Variants in TMPO observed in about 807,000 individuals in gnomAD.
TMPO encodes the protein LEM domain containing 4.
Under a neutral mutation model 45.4 loss-of-function variants are expected in TMPO, and 22 were observed. The ratio of observed to expected loss-of-function variants is 0.48; its 90% CI spans 0.35 to 0.69. The LOEUF (loss-of-function observed/expected upper bound fraction) is 0.69. Ranked by LOEUF, TMPO falls within the 30% of genes least tolerant of loss-of-function variation. The probability of loss-of-function intolerance (pLI) is 0.01; values close to 1 mark genes in which losing one functional copy is unlikely to be tolerated. For missense variants in TMPO, 512 were observed against 548.8 expected (o/e 0.93, Z 0.67); for synonymous variants, 241 against 204.1 (o/e 1.18, Z -1.54).
In TMPO at chr12:98,522,128, G is replaced by T. The variant is rs190804309; in HGVS notation, c.280-5758G>T. ...AGCTCACTGCAGCCTCAAACTCCTG[G>T]GCTCAAGCCTCTGGAATAGCTGGGA... is the stretch of plus-strand genomic sequence containing the variant. On this transcript the variant is annotated intron_variant, in intron 1 of 8. Transcript: ENST00000556029. Among the ~76,000 whole-genome samples the T allele has an allele frequency of 5.4e-3, 827 of 151,980 alleles. 2 individuals are homozygous for T. Among genetic ancestry groups the T allele is most frequent in the Non-Finnish European group, 8.1e-3 (553 of 67,988 alleles).
chr12:98,515,810 C>T lies in TMPO; in HGVS notation c.-58C>T, dbSNP rs865996291. The T allele has an allele frequency of 1.4e-4, 218 of 1,568,936 alleles. 1 individual carries two copies. Among genetic ancestry groups the T allele is most frequent in the South Asian group, 1.1e-3 (95 of 86,268 alleles). On this transcript the variant is annotated 5_prime_UTR_variant, in exon 1 of 9. Coordinates refer to ENST00000556029, the MANE Select transcript of TMPO (RefSeq NM_001032283.3). ...CGCGGTCCCCGGCCAGGAGCAAGCG[C>T]GCCGGCGTGAGCGGCGGCGGCAAAG...
intron 3 of TMPO, among the ~76,000 whole-genome samples, chr12:98,536,194 C>G (rs895174471): frequency 6.6e-6 from 1 of 152,134 alleles, no homozygotes; most frequent in Non-Finnish European, 1.5e-5. Flanking sequence ...GATGTCTTGA[C>G]CACTTTTTCA....
chr12:98,543,820 A>G (rs557993982), intron 4 of TMPO, among the ~76,000 whole-genome samples: 5 of 152,304 alleles, frequency 3.3e-5, no homozygotes, highest in East Asian at 1.9e-4. Flanking sequence ...AAAAGTTTGT[A>G]TTTTTGTTTT....
At chr12:98,525,829 C>A (rs1448151952) in intron 1 of TMPO, among the ~76,000 whole-genome samples, 1 of 151,808 alleles carries the variant, frequency 6.6e-6, no homozygotes, top group Non-Finnish European at 1.5e-5. Flanking sequence ...AGTACATAGT[C>A]AAATCATGAC....
intron 4 of TMPO, 25 bp downstream of exon 4, chr12:98,537,597 T>C (rs1460829469): frequency 6.4e-7 from 1 of 1,551,738 alleles, no homozygotes; most frequent in African/African-American, 1.4e-5. Context: ...ATTACCACCG[T>C]GTACAGGTAT....
chr12:98,523,528 T>G (rs917090775), intron 1 of TMPO, among the ~76,000 whole-genome samples: 2 of 151,356 alleles, frequency 1.3e-5, no homozygotes, highest in African/African-American at 2.4e-5. Context: ...GGCAACAGAG[T>G]GAGACTCCAT....
At position 98,515,684 on chromosome 12, in the gene TMPO, G is replaced by T; in HGVS notation, c.-184G>T. 1 of 1,307,822 alleles carries T rather than the reference G, an allele frequency of 7.6e-7. No individual in the cohort carries two copies. Among genetic ancestry groups the T allele is most frequent in the Non-Finnish European group, 1.0e-6 (1 of 962,468 alleles). 81.0% of individuals were successfully genotyped at this position (1,307,822 alleles called of 1,614,324 possible). ...AGTTGGTTCGTAGTTCGGCTCTGGG[G>T]TCTTTTGTGTCCGGGTCTGGCTTGG... On this transcript the variant is annotated 5_prime_UTR_variant, in exon 1 of 9. Transcript: ENST00000556029.
intron 1 of TMPO, among the ~76,000 whole-genome samples, chr12:98,517,901 G>A (rs1014880821): frequency 6.6e-6 from 1 of 152,224 alleles, no homozygotes; most frequent in Admixed American, 6.5e-5. Context: ...GGTGGCTCAC[G>A]CCTGTAAGCC....
intron 1 of TMPO, among the ~76,000 whole-genome samples, chr12:98,526,008 C>T (rs1474684033): frequency 1.3e-5 from 2 of 152,084 alleles, no homozygotes; most frequent in African/African-American, 4.8e-5. Context: ...AGGCTGTTTG[C>T]CACAGCCTTA....
intron 3 of TMPO, chr12:98,535,172 T>A (rs1038228624): frequency 2.0e-6 from 2 of 985,076 alleles, no homozygotes; most frequent in African/African-American, 3.5e-5. Context: ...CACCATCTAT[T>A]TTGTCAGATA....
chr12:98,537,325 T>TA, intron 3 of TMPO, 150 bp from the exon 4 acceptor site: 1 of 629,548 alleles, frequency 1.6e-6, no homozygotes, highest in Non-Finnish European at 2.8e-6. Context: ...AAATTGCAGT[T>TA]AAACAATTTT....
intron 1 of TMPO, among the ~76,000 whole-genome samples, chr12:98,520,936 A>G (rs956595645): frequency 6.6e-6 from 1 of 152,046 alleles, no homozygotes; most frequent in Non-Finnish European, 1.5e-5. Context: ...AAAAGGAATA[A>G]AAGAATATTT....
intron 7 of TMPO, 68 bp downstream of exon 7, chr12:98,545,129 GTTTTTTTTT>G: frequency 1.5e-6 from 1 of 649,280 alleles, no homozygotes; most frequent in Non-Finnish European, 2.4e-6. Context: ...ATATTTGTTT[GTTTTTTTTT>G]TTTTTTTTTG....
At chr12:98,518,115 A>T (rs1036465468) in intron 1 of TMPO, among the ~76,000 whole-genome samples, 1 of 150,726 alleles carries the variant, frequency 6.6e-6, no homozygotes, top group Non-Finnish European at 1.5e-5. Context: ...ATCGCACTCC[A>T]GCCTGGGGGA....
intron 8 of TMPO, among the ~76,000 whole-genome samples, chr12:98,546,717 TG>T (rs1226244573): frequency 6.6e-6 from 1 of 152,202 alleles, no homozygotes; most frequent in Non-Finnish European, 1.5e-5. Flanking sequence ...ACTGTTCTTT[TG>T]GGAGCAGTTT....
At chr12:98,516,529 G>A (rs1875842311) in intron 1 of TMPO, 1 of 1,041,746 alleles carries the variant, frequency 9.6e-7, no homozygotes, top group Non-Finnish European at 1.2e-6. Flanking sequence ...TTAAGTTCGA[G>A]CGTTTTCCCG....
At chr12:98,523,267 T>A (rs1876508489) in intron 1 of TMPO, among the ~76,000 whole-genome samples, 1 of 152,068 alleles carries the variant, frequency 6.6e-6, no homozygotes, top group African/African-American at 2.4e-5. Context: ...AAAAACCACA[T>A]GTTTGACTGT....
rs1878434149 is a variant in TMPO, at chr12:98,549,771, A to G, written c.*1913A>G. 6.6e-6 allele frequency: 1 copy of G among 152,256 alleles called. No individual in the cohort carries two copies. The allele number at this position is 152,256 out of a possible 1,614,324, so 9.4% of individuals were successfully genotyped here. On this transcript the variant is annotated 3_prime_UTR_variant, in exon 9 of 9. Transcript: ENST00000556029. Reference sequence around the variant, plus strand: ...TTTGATTTCAATTAGCCTTATTCTAATATTTAGCTTTTAGATCTTTCATAC... The same window carrying G: ...TTTGATTTCAATTAGCCTTATTCTAGTATTTAGCTTTTAGATCTTTCATAC...
chr12:98,533,503 A>G lies in TMPO; in HGVS notation c.565+1665A>G, dbSNP rs11838270. The G allele has an allele frequency of 3.7e-3, 5,964 of 1,614,138 alleles. 210 individuals are homozygous for G. In the African/African-American group the frequency reaches 0.071, roughly 19 times the overall value. Reference sequence around the variant, plus strand: ...CATACAGAAGAGAATTGATCAGTCTAAGTTTCAAGAAACTGAATTCCTGTC... The same window carrying G: ...CATACAGAAGAGAATTGATCAGTCTGAGTTTCAAGAAACTGAATTCCTGTC... On this transcript the variant is annotated intron_variant, in intron 3 of 8. Coordinates refer to ENST00000556029, the MANE Select transcript of TMPO (RefSeq NM_001032283.3).
Sources: gnomAD v4.1 joint callset for allele counts (sites outside exome capture counted in the v4.1 genomes callset) on GRCh38, gnomAD v4.1.1 for gene constraint, MANE v1.5 for transcripts, NCBI Gene and HGNC (gene_info 2026-07-23, HGNC 2026-07-21) for gene names.